ADAMTS18: variants seen among roughly 807,000 people sequenced by gnomAD.
The protein encoded by ADAMTS18 is ADAM metallopeptidase with thrombospondin type 1 motif 18.
A neutral mutation model predicts 165.9 loss-of-function variants in ADAMTS18; 157 were observed. That is an observed-to-expected ratio of 0.95 (90% confidence interval 0.83 to 1.08). The LOEUF (loss-of-function observed/expected upper bound fraction) is 1.08. Among genes scored for constraint, ADAMTS18 ranks in the 50% least tolerant of loss-of-function variants. ADAMTS18 has a pLI of 0.00. For synonymous variants in ADAMTS18, 782 were observed against 578.2 expected (o/e 1.35, Z -5.06); for missense variants, 2,040 against 1,534.0 (o/e 1.33, Z -5.51).
intron 16 of ADAMTS18, among the ~76,000 whole-genome samples, chr16:77,313,659 G>A (rs996343101): frequency 1.3e-5 from 2 of 152,096 alleles, no homozygotes; most frequent in African/African-American, 2.4e-5. Context: ...GACTGCACAC[G>A]GCTGAGACTG....
rs113664235 is a variant in ADAMTS18 at position 77,312,534 on chromosome 16, G to A, written c.2532+7315C>T. Among the ~76,000 whole-genome samples, 1,516 of 152,132 alleles carry A rather than the reference G, an allele frequency of 1.0e-2. 28 individuals carry two copies. Among genetic ancestry groups the A allele is most frequent in the African/African-American group, 0.035 (1,443 of 41,496 alleles). On this transcript the variant is annotated intron_variant, in intron 16 of 22. Transcript: ENST00000282849. ...ATTGCAGGCGTGAGCCACCGCACTC[G>A]GCCGTCTCAAAAAAAACTTCTAACT...
rs949870533 is a variant in ADAMTS18 at position 77,434,901 on chromosome 16, C to G, written c.-206G>C. ...CGCCCTCCCTTCTCCCGGCGCGGGC[C>G]TGCCGAGCTGCAGTTTGCGGCACCC... On this transcript the variant is annotated 5_prime_UTR_variant, in exon 1 of 23. Transcript: ENST00000282849. 1.2e-5 allele frequency: 5 copies of G among 412,196 alleles called. No homozygotes were observed. Among genetic ancestry groups the G allele is most frequent in the African/African-American group, 1.1e-4 (5 of 47,350 alleles). 25.5% of individuals were successfully genotyped at this position (412,196 alleles called of 1,614,324 possible).
At chr16:77,392,066 A>T (rs1347520910) in intron 3 of ADAMTS18, among the ~76,000 whole-genome samples, 1 of 152,206 alleles carries the variant, frequency 6.6e-6, no homozygotes, top group Non-Finnish European at 1.5e-5. Flanking sequence ...AAAATCGAAC[A>T]ACACCAAGAC....
At chr16:77,339,634 A>G (rs2056368778) in intron 11 of ADAMTS18, among the ~76,000 whole-genome samples, 1 of 151,718 alleles carries the variant, frequency 6.6e-6, no homozygotes, top group South Asian at 2.1e-4. Flanking sequence ...TCAAGTCACA[A>G]GTTCTAAGTT....
chr16:77,369,036 G>C (rs2056839309), intron 3 of ADAMTS18, among the ~76,000 whole-genome samples: 1 of 152,156 alleles, frequency 6.6e-6, no homozygotes, highest in Admixed American at 6.5e-5. Context: ...CCAAGACCCT[G>C]CTGGGGAAAG....
intron 17 of ADAMTS18, 73 bp downstream of exon 17, chr16:77,300,190 T>C: frequency 6.3e-7 from 1 of 1,578,552 alleles, no homozygotes; most frequent in Admixed American, 1.7e-5. Context: ...CATATTATGT[T>C]AAAGACGCCT....
In ADAMTS18 at chr16:77,431,524, G is replaced by C. The variant is rs1054279062; in HGVS notation, c.266C>G (p.Ser89Trp). The part of the protein sequence containing the change: ...DILHNGRKKR[S>W]AQNARSSLHY... Reference sequence around the variant, plus strand: ...CAGGGAGCTTCTGGCATTCTGCGCCGATCGCTTTTTCCTGCCGTTGTGCAA... The same window carrying C: ...CAGGGAGCTTCTGGCATTCTGCGCCCATCGCTTTTTCCTGCCGTTGTGCAA... Residue 89 changes from serine (S) to tryptophan (W), a missense_variant, in exon 3 of 23, where the codon TCG becomes TGG. Transcript: ENST00000282849. 6 of 1,614,018 alleles carry C rather than the reference G, an allele frequency of 3.7e-6. No individual in the cohort carries two copies. Among genetic ancestry groups the C allele is most frequent in the African/African-American group, 1.3e-5 (1 of 74,904 alleles).
chr16:77,287,777 C>G (rs929024419), intron 22 of ADAMTS18, among the ~76,000 whole-genome samples: 2 of 152,122 alleles, frequency 1.3e-5, no homozygotes, highest in African/African-American at 2.4e-5. Context: ...CAGCCAAGCT[C>G]CTCTTTTAAT....
chr16:77,412,011 T>C (rs780468969), intron 3 of ADAMTS18, among the ~76,000 whole-genome samples: 1 of 151,788 alleles, frequency 6.6e-6, no homozygotes, highest in Non-Finnish European at 1.5e-5. Flanking sequence ...TTAAGCATCA[T>C]TCTGGGTGTG....
chr16:77,363,223 A>T (rs955414507), intron 6 of ADAMTS18, among the ~76,000 whole-genome samples: 2 of 152,094 alleles, frequency 1.3e-5, no homozygotes, highest in Non-Finnish European at 2.9e-5. Context: ...GGTTTTCATA[A>T]TTTGCCCCAT....
intron 8 of ADAMTS18, 96 bp downstream of exon 8, chr16:77,359,222 C>G (rs1187089838): frequency 9.3e-7 from 1 of 1,080,228 alleles, no homozygotes; most frequent in African/African-American, 1.6e-5. Flanking sequence ...GACTGATCCT[C>G]TTTGTTCTGC....
At chr16:77,362,359 T>C in intron 6 of ADAMTS18, 95 bp from the exon 7 acceptor site, 1 of 1,414,942 alleles carries the variant, frequency 7.1e-7, no homozygotes, top group Non-Finnish European at 9.9e-7. Flanking sequence ...GAAACATATT[T>C]CTAGGGAAAA....
At chr16:77,311,167 C>T (rs1391561799) in intron 16 of ADAMTS18, among the ~76,000 whole-genome samples, 1 of 152,154 alleles carries the variant, frequency 6.6e-6, no homozygotes, top group African/African-American at 2.4e-5. Flanking sequence ...TACACTTCTG[C>T]TGAATTTTAC....
At chr16:77,418,744 T>C (rs1297345907) in intron 3 of ADAMTS18, among the ~76,000 whole-genome samples, 1 of 152,256 alleles carries the variant, frequency 6.6e-6, no homozygotes, top group African/African-American at 2.4e-5. Flanking sequence ...GCCATGAATC[T>C]GAAAAGGGGA....
intron 11 of ADAMTS18, among the ~76,000 whole-genome samples, chr16:77,336,969 G>C (rs1043272658): frequency 2.0e-5 from 3 of 152,150 alleles, no homozygotes; most frequent in Non-Finnish European, 4.4e-5. Flanking sequence ...ATTATGGGAA[G>C]GTTGTTTGAC....
chr16:77,358,618 A>C (rs1351628714), intron 8 of ADAMTS18, among the ~76,000 whole-genome samples: 1 of 152,200 alleles, frequency 6.6e-6, no homozygotes, highest in Non-Finnish European at 1.5e-5. Context: ...ATGGTTACTG[A>C]ATGATGTTTG....
chr16:77,434,420 T>C lies in ADAMTS18; in HGVS notation c.176A>G (p.Asp59Gly), dbSNP rs770042625. ...DSSSGASGLN[D>G]DYVFVTPVEV... ...GGGGATGGGGGGCAAATACGAACCA[T>C]CATTTAATCCGCTGGCGCCGCTGCT... Residue 59 changes from aspartate (D) to glycine (G), a missense_variant and splice_region_variant, in exon 2 of 23, where the codon GAT (aspartate) becomes GGT (glycine). Transcript: ENST00000282849. 3 of 1,569,526 alleles carry C rather than the reference T, an allele frequency of 1.9e-6. No individual in the cohort carries two copies. Among genetic ancestry groups the C allele is most frequent in the Non-Finnish European group, 2.6e-6 (3 of 1,163,916 alleles).
At chr16:77,416,046 A>T (rs143864382) in intron 3 of ADAMTS18, among the ~76,000 whole-genome samples, 482 of 152,278 alleles carry the variant, frequency 3.2e-3, no homozygotes, top group African/African-American at 0.011. Flanking sequence ...GCGATAAACA[A>T]GTGAGTCAAG....
In ADAMTS18 at chr16:77,322,409, A is replaced by G. The variant is rs1289449143; in HGVS notation, c.2090T>C (p.Met697Thr). Residue 697 changes from methionine (M) to threonine (T), a missense_variant, in exon 14 of 23, where the codon ATG becomes ACG. Coordinates refer to ENST00000282849, the MANE Select transcript of ADAMTS18 (RefSeq NM_199355.4). ...AGTTCCATCTTTCACTTTGCCGGAC[A>G]TTGCAAAAAAAAATTCAAAGTTCTC... Reference protein sequence around the residue: ...KAENFEFFFAMSGKVKDGTPC... With the variant: ...KAENFEFFFATSGKVKDGTPC... 1.2e-6 allele frequency: 2 copies of G among 1,613,836 alleles called. No homozygotes were observed. The highest frequency in any genetic ancestry group is 1.7e-6 in the Non-Finnish European group (2 of 1,179,890).
Sources: allele counts gnomAD v4.1 joint callset (sites outside exome capture counted in the v4.1 genomes callset), GRCh38; gene constraint gnomAD v4.1.1; transcripts MANE v1.5; gene names NCBI Gene and HGNC (gene_info 2026-07-23, HGNC 2026-07-21).